Variants in SCFD2 observed in about 807,000 individuals in gnomAD.
The protein encoded by SCFD2 is sec1 family domain-containing protein 2.
In SCFD2, 54 loss-of-function variants were observed where a neutral mutation model predicts 58.9. The observed-to-expected ratio is 0.92, with a 90% CI of 0.74 to 1.15. The LOEUF (loss-of-function observed/expected upper bound fraction) is 1.15. Among genes scored for constraint, SCFD2 ranks in the 50% most tolerant of loss-of-function variants. The probability of loss-of-function intolerance (pLI) is 0.00; values close to 1 mark genes in which losing one functional copy is unlikely to be tolerated. For missense variants in SCFD2, 805 were observed against 836.6 expected (o/e 0.96, Z 0.47); for synonymous variants, 321 against 335.9 (o/e 0.96, Z 0.49).
intron 5 of SCFD2, among the ~76,000 whole-genome samples, chr4:53,082,418 A>G (rs1323950443): frequency 6.6e-6 from 1 of 152,032 alleles, no homozygotes; most frequent in Non-Finnish European, 1.5e-5. Context: ...GTGGTATCTC[A>G]TTGTGGATTT....
intron 5 of SCFD2, among the ~76,000 whole-genome samples, chr4:53,017,853 C>T (rs971450648): frequency 2.0e-5 from 3 of 151,894 alleles, no homozygotes; most frequent in African/African-American, 7.2e-5. Context: ...TTTGCATTTG[C>T]TATTCTGTCT....
chr4:52,980,676 G>A (rs937614064), intron 5 of SCFD2, among the ~76,000 whole-genome samples: 1 of 152,160 alleles, frequency 6.6e-6, no homozygotes, highest in Non-Finnish European at 1.5e-5. Context: ...AAAGGACACT[G>A]CTGATGCACT....
At chr4:53,110,622 C>A (rs1420266116) in intron 5 of SCFD2, among the ~76,000 whole-genome samples, 1 of 152,146 alleles carries the variant, frequency 6.6e-6, no homozygotes, top group Non-Finnish European at 1.5e-5. Flanking sequence ...AAATGCAAAT[C>A]AAAACCACAA....
chr4:52,990,601 A>G (rs1292810270), intron 5 of SCFD2, among the ~76,000 whole-genome samples: 1 of 152,214 alleles, frequency 6.6e-6, no homozygotes, highest in East Asian at 1.9e-4. Flanking sequence ...TGGAAGAATC[A>G]TGTAAAGTAC....
At position 53,214,029 on chromosome 4, in the gene SCFD2, C is replaced by T. The variant is rs560918608; in HGVS notation, c.1311+59797G>A. 3.3e-4 allele frequency among the ~76,000 whole-genome samples: 50 copies of T among 152,184 alleles called. 1 individual carries two copies. Among genetic ancestry groups the T allele is most frequent in the Non-Finnish European group, 6.2e-4 (42 of 68,020 alleles). On this transcript the variant is annotated intron_variant, in intron 4 of 8. Coordinates refer to ENST00000401642, the MANE Select transcript of SCFD2 (RefSeq NM_152540.4). Reference sequence around the variant, plus strand: ...CATAGTATCCCATGGTGTGTATGTGCCACATTTTCTTAATCCAGTCTATCA... The same window carrying T: ...CATAGTATCCCATGGTGTGTATGTGTCACATTTTCTTAATCCAGTCTATCA...
intron 7 of SCFD2, among the ~76,000 whole-genome samples, chr4:52,905,692 G>T (rs2109470065): frequency 6.6e-6 from 1 of 152,346 alleles, no homozygotes; most frequent in South Asian, 2.1e-4. Flanking sequence ...GCCCAGTGCT[G>T]CCCAGGACGA....
At chr4:53,305,410 T>C (rs987677882) in intron 3 of SCFD2, among the ~76,000 whole-genome samples, 35 of 152,260 alleles carry the variant, frequency 2.3e-4, no homozygotes, top group African/African-American at 6.7e-4. Context: ...TTCTTTCCCA[T>C]TGTGTCATCT....
intron 5 of SCFD2, among the ~76,000 whole-genome samples, chr4:53,055,277 T>G (rs1723304083): frequency 6.6e-6 from 1 of 152,126 alleles, no homozygotes; most frequent in Non-Finnish European, 1.5e-5. Context: ...AGCTCAGATT[T>G]TAATCCAGGC....
chr4:52,887,175 C>T (rs543346323), intron 7 of SCFD2, among the ~76,000 whole-genome samples: 1 of 152,078 alleles, frequency 6.6e-6, no homozygotes, highest in African/African-American at 2.4e-5. Flanking sequence ...GGTAGGTGGA[C>T]GCAGAGGGTA....
At chr4:53,327,323 C>T (rs1027503244) in intron 2 of SCFD2, among the ~76,000 whole-genome samples, 4 of 152,058 alleles carry the variant, frequency 2.6e-5, no homozygotes, top group African/African-American at 9.7e-5. Context: ...AGCAGTCTGA[C>T]CCAGGGTGGC....
intron 5 of SCFD2, among the ~76,000 whole-genome samples, chr4:53,072,914 C>T (rs978143235): frequency 6.6e-6 from 1 of 152,086 alleles, no homozygotes; most frequent in South Asian, 2.1e-4. Flanking sequence ...ACAGTGATGT[C>T]GCTTCATTAG....
rs375896185 is a variant in SCFD2, at chr4:53,248,334, C to T, written c.1311+25492G>A. Among the ~76,000 whole-genome samples the T allele has an allele frequency of 4.6e-5, 7 of 152,180 alleles. 1 individual carries two copies. The highest frequency in any genetic ancestry group is 2.6e-4 in the Admixed American group (4 of 15,280). ...CTGAGATCAAACTGCAAGGTGGCAG[C>T]GAGGATGGGGGAGGGGCGCCCGCCA... On this transcript the variant is annotated intron_variant, in intron 4 of 8. Transcript: ENST00000401642.
At chr4:53,113,855 T>C (rs1435012784) in intron 5 of SCFD2, among the ~76,000 whole-genome samples, 1 of 151,974 alleles carries the variant, frequency 6.6e-6, no homozygotes, top group Non-Finnish European at 1.5e-5. Flanking sequence ...CTTCTCACTA[T>C]TGTGAGAAGG....
intron 5 of SCFD2, among the ~76,000 whole-genome samples, chr4:53,081,488 G>C (rs944762283): frequency 2.6e-5 from 4 of 152,078 alleles, no homozygotes; most frequent in Non-Finnish European, 2.9e-5. Context: ...TTATAAGTGA[G>C]AACATGTGGT....
intron 2 of SCFD2, among the ~76,000 whole-genome samples, chr4:53,345,095 A>T (rs1178717708): frequency 6.6e-6 from 1 of 152,234 alleles, no homozygotes; most frequent in Non-Finnish European, 1.5e-5. Flanking sequence ...CAAAATAGAC[A>T]AATGGAATCT....
At chr4:53,150,700 A>C (rs1726479936) in intron 4 of SCFD2, among the ~76,000 whole-genome samples, 1 of 152,196 alleles carries the variant, frequency 6.6e-6, no homozygotes, top group Non-Finnish European at 1.5e-5. Context: ...TCCAAGTCTC[A>C]ATTTCCTCAT....
intron 4 of SCFD2, among the ~76,000 whole-genome samples, chr4:53,204,893 G>T (rs1728361508): frequency 6.6e-6 from 1 of 151,796 alleles, no homozygotes; most frequent in Admixed American, 6.6e-5. Flanking sequence ...CAAGAAAACA[G>T]TGAAGAAATG....
At chr4:53,202,422 A>G (rs1241255763) in intron 4 of SCFD2, among the ~76,000 whole-genome samples, 1 of 150,756 alleles carries the variant, frequency 6.6e-6, no homozygotes, top group Non-Finnish European at 1.5e-5. Flanking sequence ...TGTTTTGTTT[A>G]CTGTAGCCTT....
rs1451700875 is a variant in SCFD2 at position 53,182,224 on chromosome 4, G to T, written c.1312-36642C>A. On this transcript the variant is annotated intron_variant, in intron 4 of 8. Transcript: ENST00000401642. ...ATCCTAAGCCAAAAGAACAAAGCTG[G>T]AGGCATCATGCTACCTGACTTCAAA... Among the ~76,000 whole-genome samples, 3 of 152,260 alleles carry T rather than the reference G, an allele frequency of 2.0e-5. No homozygotes were observed. The East Asian group carries it at 5.8e-4, about 29-fold the overall frequency.
Sources: allele counts gnomAD v4.1 joint callset (sites outside exome capture counted in the v4.1 genomes callset), GRCh38; gene constraint gnomAD v4.1.1; transcripts MANE v1.5; gene names NCBI Gene and HGNC (gene_info 2026-07-23, HGNC 2026-07-21).